The following TPO variants were observed in gnomAD, a reference collection of about 807,000 sequenced individuals.
TPO encodes the protein thyroid microsomal antigen.
In TPO, 78 loss-of-function variants were observed where a neutral mutation model predicts 96.9. That is an observed-to-expected ratio of 0.81 (90% confidence interval 0.67 to 0.97). The LOEUF is 0.97. Among genes scored for constraint, TPO ranks in the 50% least tolerant of loss-of-function variants. TPO has a pLI of 0.00. For synonymous variants in TPO, 547 were observed against 538.0 expected (o/e 1.02, Z -0.23); for missense variants, 1,252 against 1,274.8 (o/e 0.98, Z 0.27).
intron 15 of TPO, among the ~76,000 whole-genome samples, chr2:1,521,984 C>T (rs768589136): frequency 2.6e-4 from 40 of 152,186 alleles, no homozygotes; most frequent in Non-Finnish European, 5.4e-4. Context: ...CTCCCAGCCC[C>T]TCCCTCTGTG....
At chr2:1,528,899 A>G (rs1318746447) in intron 15 of TPO, among the ~76,000 whole-genome samples, 1 of 138,402 alleles carries the variant, frequency 7.2e-6, no homozygotes, top group Non-Finnish European at 1.5e-5. Context: ...CACTGTGTGC[A>G]ACCTCCTCAC....
chr2:1,412,724 G>A (rs994443914), upstream of TPO, among the ~76,000 whole-genome samples: 2 of 152,274 alleles, frequency 1.3e-5, no homozygotes, highest in East Asian at 1.9e-4. Context: ...TAGGACTTCC[G>A]GGGGCATGAA....
intron 2 of TPO, among the ~76,000 whole-genome samples, chr2:1,419,365 G>C (rs1663272003): frequency 1.3e-5 from 2 of 152,188 alleles, no homozygotes; most frequent in South Asian, 2.1e-4. Context: ...GCGCTGCAGA[G>C]CTAACGATAG....
chr2:1,523,640 A>G (rs1675712881), intron 15 of TPO, among the ~76,000 whole-genome samples: 1 of 119,832 alleles, frequency 8.3e-6, no homozygotes, highest in Non-Finnish European at 1.7e-5. Context: ...ACCTCCTCAA[A>G]TCACCCCCCA....
chr2:1,434,834 A>G (rs1377340355), intron 4 of TPO, among the ~76,000 whole-genome samples: 1 of 152,212 alleles, frequency 6.6e-6, no homozygotes, highest in Non-Finnish European at 1.5e-5. Context: ...CCATTACTTC[A>G]TCACCAAGAC....
intron 15 of TPO, 51 bp from the exon 16 acceptor site, chr2:1,540,543 C>A: frequency 1.2e-6 from 2 of 1,607,756 alleles, no homozygotes; most frequent in Non-Finnish European, 1.7e-6. Context: ...CTACCCTCCA[C>A]AGTCACGGTG....
At position 1,496,638 on chromosome 2, in the gene TPO, T is replaced by G; in HGVS notation, c.2259T>G (p.Phe753Leu). 6.2e-7 allele frequency: 1 copy of G among 1,613,914 alleles called. No homozygotes were observed. The highest frequency in any genetic ancestry group is 8.5e-7 in the Non-Finnish European group (1 of 1,179,962). ...CAGAGAGCGTGGAGAATGGGGACTT[T>G]GTGCACTGTGAGGAGTCTGGGAGGC... ...GFPESVENGD[F>L]VHCEESGRRV... The change falls in exon 13 of 17, where the codon TTT becomes TTG. Residue 753 changes from phenylalanine (F) to leucine (L), a missense_variant. Physicochemically the swap from Phe to Leu is conservative, Grantham distance 22. Coordinates refer to ENST00000329066, the MANE Select transcript of TPO (RefSeq NM_001206744.2).
Position 1,403,272 on chromosome 2 carries a change from T to G in TPO, n.180+28870T>G, listed in dbSNP as rs546885505. Among the ~76,000 whole-genome samples, 10 of 152,300 alleles carry G rather than the reference T, an allele frequency of 6.6e-5. No homozygotes were observed. The East Asian group carries it at 1.7e-3, about 27-fold the overall frequency. On this transcript the variant is annotated intron_variant and non_coding_transcript_variant, in intron 1 of 5. Transcript: ENST00000497517. ...AGGCAATGTGAGAGCCAGCGGGGGC[T>G]CTGCTGGACACAGGCCATGCCCGGG... is the stretch of plus-strand genomic sequence containing the variant.
At chr2:1,429,113 G>A (rs1416146526) in intron 3 of TPO, among the ~76,000 whole-genome samples, 1 of 152,124 alleles carries the variant, frequency 6.6e-6, no homozygotes, top group Non-Finnish European at 1.5e-5. Flanking sequence ...AATATATATG[G>A]TGAGTGATTT....
chr2:1,523,108 T>C (rs1675545947), intron 15 of TPO, among the ~76,000 whole-genome samples: 1 of 132,522 alleles, frequency 7.5e-6, no homozygotes, highest in Non-Finnish European at 1.6e-5. Context: ...TCCTGCGCAC[T>C]CTGTGCAACC....
In TPO at chr2:1,496,155, A is replaced by G. The variant is rs732609; in HGVS notation, c.2173A>G (p.Thr725Ala). The change falls in exon 12 of 17, where the codon ACT becomes GCT. Residue 725 changes from threonine to alanine, a missense_variant. Physicochemically the swap from Thr to Ala is moderately conservative, Grantham distance 58. Transcript: ENST00000329066. ...PEDFESCDSI[T>A]GMNLEAWRET... ...AGACTTTGAGTCTTGTGACAGCATC[A>G]CTGGCATGAACCTGGAGGCCTGGAG... The G allele has an allele frequency of 5.6e-6, 9 of 1,613,676 alleles. No individual in the cohort carries two copies. In the African/African-American group the frequency reaches 6.7e-5, roughly 12 times the overall value.
chr2:1,475,866 G>C (rs943611524), intron 7 of TPO, among the ~76,000 whole-genome samples: 18 of 152,244 alleles, frequency 1.2e-4, no homozygotes, highest in Non-Finnish European at 2.2e-4. Context: ...CTGCACAGCT[G>C]CCAGGCCTGG....
At chr2:1,448,482 C>G (rs935488572) in intron 5 of TPO, among the ~76,000 whole-genome samples, 2 of 152,172 alleles carry the variant, frequency 1.3e-5, no homozygotes, top group Non-Finnish European at 2.9e-5. Context: ...GGAAGAACAC[C>G]CACCTCGCAG....
At chr2:1,458,062 G>A (rs76597695) in intron 7 of TPO, among the ~76,000 whole-genome samples, 2,563 of 149,030 alleles carry the variant, frequency 0.017, 42 homozygotes, top group Middle Eastern at 0.026. Flanking sequence ...GTGTGGGAAC[G>A]TGTTTATATG....
intron 7 of TPO, among the ~76,000 whole-genome samples, chr2:1,470,214 C>T (rs1219486462): frequency 6.6e-6 from 1 of 152,034 alleles, no homozygotes; most frequent in African/African-American, 2.4e-5. Flanking sequence ...TGACCTAAAG[C>T]AAGAAGCTGA....
In TPO at chr2:1,500,382, G is replaced by A. The variant is rs530388011; in HGVS notation, c.2387-3566G>A. Among the ~76,000 whole-genome samples the A allele has an allele frequency of 3.9e-5, 6 of 152,212 alleles. No individual in the cohort carries two copies. In the East Asian group the frequency reaches 7.7e-4, roughly 20 times the overall value. On this transcript the variant is annotated intron_variant, in intron 13 of 16. Transcript: ENST00000329066. ...AAACTCCAAAATCTGGTACAAATGC[G>A]TGTGCACAGATATTTTTACTACAGC...
chr2:1,439,237 C>T (rs987470678), intron 5 of TPO: 34 of 191,192 alleles, frequency 1.8e-4, no homozygotes, highest in African/African-American at 6.7e-4. Context: ...ATGACATTGG[C>T]ACTGGGAGCT....
chr2:1,431,987 C>A (rs1297122433), intron 3 of TPO, among the ~76,000 whole-genome samples: 1 of 152,234 alleles, frequency 6.6e-6, no homozygotes, highest in Admixed American at 6.5e-5. Context: ...TACTCTCTTG[C>A]TCCTGCTCTT....
chr2:1,495,924 C>G, intron 11 of TPO, 65 bp from the exon 12 acceptor site: 2 of 1,548,622 alleles, frequency 1.3e-6, no homozygotes, highest in Non-Finnish European at 1.8e-6. Context: ...GGCAGCTGGT[C>G]TTGAGTGCCT....
Sources: allele counts gnomAD v4.1 joint callset (sites outside exome capture counted in the v4.1 genomes callset), GRCh38; gene constraint gnomAD v4.1.1; transcripts MANE v1.5; gene names NCBI Gene and HGNC (gene_info 2026-07-23, HGNC 2026-07-21).